LGI2: variants seen among roughly 807,000 people sequenced by gnomAD.
LGI2 encodes leucine rich repeat LGI family member 2.
In LGI2, 30 loss-of-function variants were observed where a neutral mutation model predicts 52.0. The observed-to-expected ratio is 0.58, with a 90% confidence interval of 0.43 to 0.78. The LOEUF is 0.78. LGI2 is among the 30% of genes least tolerant of loss of function. The probability of loss-of-function intolerance (pLI) is 0.00; values close to 1 mark genes in which losing one functional copy is unlikely to be tolerated. For synonymous variants in LGI2, 270 were observed against 271.8 expected, an observed-to-expected ratio of 0.99 and a Z score of 0.06; for missense variants, 573 against 692.5, an observed-to-expected ratio of 0.83 and a Z score of 1.94.
chr4:25,029,422 T>C (rs1726254074), intron 1 of LGI2, among the ~76,000 whole-genome samples: 1 of 152,198 alleles, frequency 6.6e-6, no homozygotes, highest in South Asian at 2.1e-4. Flanking sequence ...ACAATTTGCC[T>C]TGGGTGGGAG....
intron 7 of LGI2, among the ~76,000 whole-genome samples, chr4:25,005,633 C>T (rs1725372279): frequency 6.6e-6 from 1 of 150,878 alleles, no homozygotes; most frequent in Non-Finnish European, 1.5e-5. Context: ...AAACAGGCTT[C>T]TCCTGGGGTG....
chr4:25,011,961 A>C (rs1219061454), intron 7 of LGI2, among the ~76,000 whole-genome samples: 3 of 152,166 alleles, frequency 2.0e-5, no homozygotes, highest in Non-Finnish European at 4.4e-5. Flanking sequence ...ATTGGTTAAC[A>C]ATCAGCTTAA....
At chr4:25,016,096 G>A (rs1725749292) in intron 6 of LGI2, among the ~76,000 whole-genome samples, 1 of 151,718 alleles carries the variant, frequency 6.6e-6, no homozygotes, top group Non-Finnish European at 1.5e-5. Context: ...TTGGGATGAG[G>A]ACAGGTTACC....
chr4:25,003,859 G>A lies in LGI2; in HGVS notation c.1230C>T (p.Pro410=). The A allele has an allele frequency of 3.1e-6, 5 of 1,614,174 alleles. No homozygotes were observed. The highest frequency in any genetic ancestry group is 4.2e-6 in the Non-Finnish European group (5 of 1,180,036). ...QWNKSSKKFV[P]HGDIPNMEDV... ...CCTCCATGTTGGGGATGTCACCATG[G>A]GGGACAAACTTCTTAGAGCTTTTAT... The change falls in exon 8 of 8, where the codon CCC becomes CCT. Residue 410 remains proline, a synonymous_variant. Transcript: ENST00000382114.
intron 6 of LGI2, among the ~76,000 whole-genome samples, chr4:25,015,418 T>G (rs1375983581): frequency 1.3e-5 from 2 of 152,094 alleles, no homozygotes; most frequent in African/African-American, 2.4e-5. Flanking sequence ...AGGGGAGGGT[T>G]CAAGAGCTGA....
chr4:25,022,795 T>A (rs1368261485), intron 4 of LGI2, among the ~76,000 whole-genome samples: 1 of 152,182 alleles, frequency 6.6e-6, no homozygotes, highest in African/African-American at 2.4e-5. Context: ...ACCACAGCCA[T>A]CTGAGCAAAT....
rs1725181321 is a variant in LGI2, at chr4:24,999,702, T to G, written c.*3749A>C. On this transcript the variant is annotated 3_prime_UTR_variant, in exon 8 of 8. Transcript: ENST00000382114. ...CCCCAGGCCAGAGAAATTTCCATCATGAGCACTCCTGACCGCCAAACCTCT... is the reference window on the plus strand; with the variant it reads ...CCCCAGGCCAGAGAAATTTCCATCAGGAGCACTCCTGACCGCCAAACCTCT... 2.5e-6 allele frequency: 1 copy of G among 399,672 alleles called. No individual in the cohort carries two copies. The highest frequency in any genetic ancestry group is 2.9e-5 in the Admixed American group (1 of 34,646). The allele number at this position is 399,672 out of a possible 1,614,324, so 24.8% of individuals were successfully genotyped here.
At chr4:24,992,193 G>A in the LGI2 span, among the ~76,000 whole-genome samples, 1 of 152,202 alleles carries the variant, frequency 6.6e-6, no homozygotes, top group African/African-American at 2.4e-5. Context: ...CCTTAGGCAA[G>A]ACACGTCATC....
chr4:25,008,551 CTCAAA>C (rs1725467970), intron 7 of LGI2, among the ~76,000 whole-genome samples: 5 of 65,512 alleles, frequency 7.6e-5, no homozygotes, highest in Admixed American at 3.4e-4. Flanking sequence ...GAGACTCTGT[CTCAAA>C]AAAAAAAAAA....
At chr4:24,996,147 GAGGCTGTTTCATTAAGTATT>G (rs1420102160), downstream of LGI2, among the ~76,000 whole-genome samples, 1 of 152,194 alleles carries the variant, frequency 6.6e-6, no homozygotes, top group African/African-American at 2.4e-5. Context: ...ATTTGGTTTG[GAGGCTGTTTCATTAAGTATT>G]ACACTGTGGA....
At chr4:25,021,622 C>T (rs1394548311) in intron 4 of LGI2, among the ~76,000 whole-genome samples, 1 of 152,070 alleles carries the variant, frequency 6.6e-6, no homozygotes, top group Non-Finnish European at 1.5e-5. Context: ...CATCTCCTGC[C>T]TAGAGGAGTC....
downstream of LGI2, among the ~76,000 whole-genome samples, chr4:24,997,318 T>C (rs1725108510): frequency 6.6e-6 from 1 of 152,188 alleles, no homozygotes; most frequent in African/African-American, 2.4e-5. Context: ...AATGGGTACA[T>C]GGTTGGCTTT....
chr4:25,012,266 T>G (rs972450890), intron 7 of LGI2, 69 bp downstream of exon 7: 1 of 1,549,798 alleles, frequency 6.5e-7, no homozygotes, highest in African/African-American at 1.4e-5. Context: ...ACAGAGGACA[T>G]TCCTCCTCCC....
At chr4:25,027,447 C>A (rs762474286) in intron 2 of LGI2, among the ~76,000 whole-genome samples, 1 of 150,654 alleles carries the variant, frequency 6.6e-6, no homozygotes, top group Non-Finnish European at 1.5e-5. Context: ...ACTGTTACTA[C>A]GTAGTTTTCT....
chr4:25,010,625 A>T (rs941419258), intron 7 of LGI2, among the ~76,000 whole-genome samples: 1 of 152,192 alleles, frequency 6.6e-6, no homozygotes, highest in Non-Finnish European at 1.5e-5. Context: ...TCAAAACCTG[A>T]GCTCTTTCTA....
intron 4 of LGI2, among the ~76,000 whole-genome samples, chr4:25,022,297 G>T (rs1351868673): frequency 6.6e-6 from 1 of 152,188 alleles, no homozygotes; most frequent in African/African-American, 2.4e-5. Context: ...AGAAAAGGCA[G>T]ATGAGAGAGA....
At chr4:25,011,849 A>G (rs904493296) in intron 7 of LGI2, among the ~76,000 whole-genome samples, 10 of 152,170 alleles carry the variant, frequency 6.6e-5, no homozygotes, top group African/African-American at 2.4e-4. Flanking sequence ...ATTTATTCTT[A>G]TTTCGTATGT....
chr4:25,013,792 C>T (rs1725664326), intron 6 of LGI2, among the ~76,000 whole-genome samples: 1 of 152,170 alleles, frequency 6.6e-6, no homozygotes, highest in Admixed American at 6.5e-5. Context: ...AGGGAAGAGT[C>T]ATGGCTCTCC....
rs1315063104 is a variant in LGI2 at position 25,001,697 on chromosome 4, T to A, written c.*1754A>T. Reference sequence around the variant, plus strand: ...GGGTGAGTTCGTTCATTAAAATCCGTGGTTTCTGAGGCTAGAAGCCTCAGC... The same window carrying A: ...GGGTGAGTTCGTTCATTAAAATCCGAGGTTTCTGAGGCTAGAAGCCTCAGC... On this transcript the variant is annotated 3_prime_UTR_variant, in exon 8 of 8. Coordinates refer to ENST00000382114, the MANE Select transcript of LGI2 (RefSeq NM_018176.4). 2 of 128,854 alleles carry A rather than the reference T, an allele frequency of 1.6e-5. No homozygotes were observed. Among genetic ancestry groups the A allele is most frequent in the Non-Finnish European group, 3.3e-5 (2 of 61,244 alleles). 8.0% of individuals were successfully genotyped at this position (128,854 alleles called of 1,614,324 possible).
Sources: gnomAD v4.1 joint callset for allele counts (sites outside exome capture counted in the v4.1 genomes callset) on GRCh38, gnomAD v4.1.1 for gene constraint, MANE v1.5 for transcripts, NCBI Gene and HGNC (gene_info 2026-07-23, HGNC 2026-07-21) for gene names.